The following CCDC13 variants were observed in gnomAD, a reference collection of about 807,000 sequenced individuals.
CCDC13 encodes the protein coiled-coil domain-containing protein 13.
In CCDC13, 70 loss-of-function variants were observed where a neutral mutation model predicts 87.3. That is an observed-to-expected ratio of 0.80 (90% CI 0.66 to 0.98). CCDC13 has a LOEUF of 0.98. CCDC13 is among the 50% of genes least tolerant of loss of function. The probability of loss-of-function intolerance (pLI) is 0.00; values close to 1 mark genes in which losing one functional copy is unlikely to be tolerated. For missense variants in CCDC13, 842 were observed against 892.0 expected (o/e 0.94, Z 0.71); for synonymous variants, 317 against 360.3 (o/e 0.88, Z 1.36).
intron 1 of CCDC13, among the ~76,000 whole-genome samples, chr3:42,759,976 T>C (rs1232341211): frequency 6.6e-6 from 1 of 152,190 alleles, no homozygotes; most frequent in Non-Finnish European, 1.5e-5. Context: ...GTCTAAATTT[T>C]AGACTTTCTC....
intron 1 of CCDC13, among the ~76,000 whole-genome samples, chr3:42,771,791 T>C (rs946614681): frequency 2.0e-5 from 3 of 151,998 alleles, no homozygotes; most frequent in African/African-American, 7.2e-5. Context: ...AGATGAACTC[T>C]AATGTAAACT....
rs1435515326 is a variant in CCDC13 at position 42,706,994 on chromosome 3, G to A, written c.*1986C>T. ...GACCTAATGCTCCTTCCTTTCTCAG[G>A]CATAGCCCAGGAAGGGCAGCAGAAC... On this transcript the variant is annotated 3_prime_UTR_variant, in exon 16 of 16. Transcript: ENST00000310232. Among the ~76,000 whole-genome samples, 1 of 152,174 alleles carries A rather than the reference G, an allele frequency of 6.6e-6. No individual in the cohort carries two copies. The highest frequency in any genetic ancestry group is 1.5e-5 in the Non-Finnish European group (1 of 68,038).
chr3:42,739,027 T>G lies in CCDC13; in HGVS notation c.1164+607A>C, dbSNP rs571083163. Among the ~76,000 whole-genome samples, 15 of 152,368 alleles carry G rather than the reference T, an allele frequency of 9.8e-5. No homozygotes were observed. In the South Asian group the frequency reaches 2.7e-3, roughly 27 times the overall value. On this transcript the variant is annotated intron_variant, in intron 9 of 15. Coordinates refer to ENST00000310232, the MANE Select transcript of CCDC13 (RefSeq NM_144719.4). ...ATGCTTCCAGTTTTTGCCCATTCAG[T>G]ATGATATTGGCTGTGGGTTTGTCAT...
At chr3:42,705,200 C>T (rs143732229), downstream of CCDC13, among the ~76,000 whole-genome samples, 71 of 152,208 alleles carry the variant, frequency 4.7e-4, no homozygotes, top group African/African-American at 1.7e-3. Flanking sequence ...GTGGGCAGGC[C>T]GACTTCTTTG....
intron 11 of CCDC13, 122 bp downstream of exon 11, chr3:42,733,348 A>G: frequency 8.0e-7 from 1 of 1,253,744 alleles, no homozygotes; most frequent in Non-Finnish European, 1.2e-6. Context: ...GTATTGGAAG[A>G]ACAACAGCAT....
rs754878917 is a variant in CCDC13 at position 42,708,982 on chromosome 3, A to G, written c.2146T>C (p.Ter716GlnextTer19). The change falls in exon 16 of 16, where the codon TAG (stop) becomes CAG (glutamine). Residue 716 changes from the stop codon to glutamine (Q), a stop_lost. Transcript: ENST00000310232. ...CAGGCCGACACTGGGCTGTCATCCT[A>G]TTGCTTGCCTGTCTTCTGCTGCCGC... Reference protein sequence around the residue: ...ALRQQKTGKQ* With the variant: ...ALRQQKTGKQQ The G allele has an allele frequency of 9.9e-6, 16 of 1,610,364 alleles. No homozygotes were observed. Among genetic ancestry groups the G allele is most frequent in the African/African-American group, 1.3e-5 (1 of 74,930 alleles).
Position 42,713,271 on chromosome 3 carries a change from C to G in CCDC13, c.1764G>C (p.Leu588=), listed in dbSNP as rs762144812. The part of the protein sequence containing the change: ...NSKLLESERK[L]QEERHRTVVL... The stretch of plus-strand genomic sequence containing the variant: ...CCACGGTGCGGTGTCGCTCCTCCTG[C>G]AGCTTCCTCTCTGACTCCAGGAGCT... Residue 588 remains leucine, a synonymous_variant, in exon 14 of 16, where the codon CTG becomes CTC. Coordinates refer to ENST00000310232, the MANE Select transcript of CCDC13 (RefSeq NM_144719.4). 6.2e-7 allele frequency: 1 copy of G among 1,614,044 alleles called. No homozygotes were observed.
chr3:42,732,687 C>G, intron 12 of CCDC13, 200 bp downstream of exon 12: 2 of 571,266 alleles, frequency 3.5e-6, no homozygotes, highest in South Asian at 4.7e-5. Flanking sequence ...GAGTCAGAGG[C>G]CAAGATTCTA....
At chr3:42,738,876 C>T (rs890602306) in intron 9 of CCDC13, among the ~76,000 whole-genome samples, 1 of 152,182 alleles carries the variant, frequency 6.6e-6, no homozygotes, top group African/African-American at 2.4e-5. Flanking sequence ...TTGACTTCCT[C>T]ATTTCCTATT....
At chr3:42,768,175 G>C (rs1329667748) in intron 1 of CCDC13, among the ~76,000 whole-genome samples, 1 of 152,122 alleles carries the variant, frequency 6.6e-6, no homozygotes, top group Admixed American at 6.6e-5. Context: ...AGTGAATCTA[G>C]ACACAGACCT....
At chr3:42,733,393 A>G (rs1698893487) in intron 11 of CCDC13, 77 bp downstream of exon 11, 3 of 1,572,788 alleles carry the variant, frequency 1.9e-6, no homozygotes, top group Non-Finnish European at 2.6e-6. Context: ...GCTTCCCATC[A>G]GAGGTAGCAA....
intron 9 of CCDC13, among the ~76,000 whole-genome samples, 183 bp downstream of exon 9, chr3:42,739,451 T>C (rs1575303071): frequency 1.3e-5 from 2 of 152,330 alleles, no homozygotes; most frequent in African/African-American, 4.8e-5. Context: ...TCAGGCAGCC[T>C]CCCTGAGCTG....
chr3:42,726,338 G>C (rs1222126256), intron 13 of CCDC13, among the ~76,000 whole-genome samples: 1 of 152,148 alleles, frequency 6.6e-6, no homozygotes, highest in Non-Finnish European at 1.5e-5. Flanking sequence ...CACTGTGCCT[G>C]GCTGAGAACA....
At position 42,743,688 on chromosome 3, in the gene CCDC13, C is replaced by T. The variant is rs886795673; in HGVS notation, c.826-631G>A. Among the ~76,000 whole-genome samples the T allele has an allele frequency of 2.7e-5, 4 of 148,862 alleles. No homozygotes were observed. The South Asian group carries it at 6.4e-4, about 24-fold the overall frequency. On this transcript the variant is annotated intron_variant, in intron 7 of 15. Coordinates refer to ENST00000310232, the MANE Select transcript of CCDC13 (RefSeq NM_144719.4). ...ATATATATATAAAATTTGGTAGAGACGGGGTTTCACCATGTTGCCCAGGCT... is the reference window on the plus strand; with the variant it reads ...ATATATATATAAAATTTGGTAGAGATGGGGTTTCACCATGTTGCCCAGGCT...
chr3:42,714,058 T>A (rs551549397), intron 13 of CCDC13: 1 of 152,378 alleles, frequency 6.6e-6, no homozygotes, highest in East Asian at 1.9e-4. Flanking sequence ...AATTTCACCT[T>A]CTAGGAGCCA....
At chr3:42,755,506 C>T (rs559875570) in intron 3 of CCDC13, among the ~76,000 whole-genome samples, 1 of 152,312 alleles carries the variant, frequency 6.6e-6, no homozygotes, top group African/African-American at 2.4e-5. Flanking sequence ...ACTCAGGAGG[C>T]TGAGGCAGGA....
rs369940609 is a variant in CCDC13 at position 42,739,361 on chromosome 3, A to G, written c.1164+273T>C. Among the ~76,000 whole-genome samples the G allele has an allele frequency of 2.6e-4, 40 of 152,252 alleles. 1 individual carries two copies. The highest frequency in any genetic ancestry group is 5.3e-4 in the African/African-American group (22 of 41,538). On this transcript the variant is annotated intron_variant, in intron 9 of 15. Coordinates refer to ENST00000310232, the MANE Select transcript of CCDC13 (RefSeq NM_144719.4). The stretch of plus-strand genomic sequence containing the variant: ...GGTATAATCCCACCTCCTTCCCCCA[A>G]TACATTTCTGTCTCTTTTGGGGTCC...
At chr3:42,727,915 G>C (rs1489187006) in intron 13 of CCDC13, among the ~76,000 whole-genome samples, 2 of 152,116 alleles carry the variant, frequency 1.3e-5, no homozygotes, top group African/African-American at 4.8e-5. Flanking sequence ...ATGGCAAATA[G>C]AAAATATTAA....
chr3:42,749,010 T>G (rs1323911028), intron 5 of CCDC13, among the ~76,000 whole-genome samples: 1 of 152,086 alleles, frequency 6.6e-6, no homozygotes, highest in African/African-American at 2.4e-5. Flanking sequence ...CCACCTGCCT[T>G]GGCCTCCCAA....
Sources: gnomAD v4.1 joint callset for allele counts (sites outside exome capture counted in the v4.1 genomes callset) on GRCh38, gnomAD v4.1.1 for gene constraint, MANE v1.5 for transcripts, NCBI Gene and HGNC (gene_info 2026-07-23, HGNC 2026-07-21) for gene names.